CABP1: variants seen among roughly 807,000 people sequenced by gnomAD.
The protein encoded by CABP1 is calcium-binding protein 1.
In CABP1, 17 loss-of-function variants were observed where a neutral mutation model predicts 34.3. That is an observed-to-expected ratio of 0.50 (90% CI 0.34 to 0.74). CABP1 has a LOEUF of 0.74. Among genes scored for constraint, CABP1 ranks in the 30% least tolerant of loss-of-function variants. CABP1 has a pLI of 0.01. For synonymous variants in CABP1, 198 were observed against 229.2 expected (o/e 0.86, Z 1.23); for missense variants, 373 against 511.1 (o/e 0.73, Z 2.61).
At chr12:120,657,178 G>A (rs1368645008) in intron 1 of CABP1, among the ~76,000 whole-genome samples, 1 of 152,184 alleles carries the variant, frequency 6.6e-6, no homozygotes. Context: ...TGGATTTTAT[G>A]TTATTCTTAC....
the CABP1 span, among the ~76,000 whole-genome samples, chr12:120,679,456 T>TA: frequency 1.3e-5 from 2 of 152,178 alleles, no homozygotes; most frequent in African/African-American, 4.8e-5. Flanking sequence ...ATCGGATAAG[T>TA]AGGAACCAAT....
Position 120,660,399 on chromosome 12 carries a change from G to T in CABP1, c.829+60G>T. The T allele has an allele frequency of 1.3e-6, 2 of 1,556,238 alleles. No individual in the cohort carries two copies. Among genetic ancestry groups the T allele is most frequent in the Non-Finnish European group, 8.7e-7 (1 of 1,147,836 alleles). On this transcript the variant is annotated intron_variant, in intron 3 of 5. Transcript: ENST00000316803. This position sits in a 1 kb window ranked among gnomAD's most constrained non-coding sequence, Gnocchi z 5.0. ...GTCCTCACCCTTGCCGTCCTCTGCAGTCAGACAGGACTGGCTTCAAATTCT... is the reference window on the plus strand; with the variant it reads ...GTCCTCACCCTTGCCGTCCTCTGCATTCAGACAGGACTGGCTTCAAATTCT...
At chr12:120,647,058 A>T (rs949296435) in intron 1 of CABP1, among the ~76,000 whole-genome samples, 2 of 152,194 alleles carry the variant, frequency 1.3e-5, no homozygotes, top group African/African-American at 2.4e-5. Flanking sequence ...GTTTCCAACG[A>T]CAGAGGCATA....
chr12:120,668,799 C>G (rs1392188934), downstream of CABP1, among the ~76,000 whole-genome samples: 1 of 152,208 alleles, frequency 6.6e-6, no homozygotes, highest in East Asian at 1.9e-4. Context: ...GAGTCTTAGA[C>G]AGGCTTGGAG....
intron 5 of CABP1, among the ~76,000 whole-genome samples, chr12:120,664,013 C>T (rs1214697021): frequency 1.3e-5 from 2 of 152,238 alleles, no homozygotes; most frequent in Non-Finnish European, 2.9e-5. Context: ...GAGCAGTTGG[C>T]CTTCAAGGCC....
chr12:120,653,750 CT>C (rs2137343513), intron 1 of CABP1, among the ~76,000 whole-genome samples: 1 of 152,278 alleles, frequency 6.6e-6, no homozygotes, highest in African/African-American at 2.4e-5. Context: ...GCAGGCTGGT[CT>C]TGAACTCCCA....
At chr12:120,657,977 G>T (rs1425722424) in intron 1 of CABP1, among the ~76,000 whole-genome samples, 1 of 152,086 alleles carries the variant, frequency 6.6e-6, no homozygotes, top group Admixed American at 6.6e-5. Context: ...CAGACTGCTG[G>T]TATGACCCAT....
At chr12:120,678,969 A>G in the CABP1 span, among the ~76,000 whole-genome samples, 2 of 147,616 alleles carry the variant, frequency 1.4e-5, no homozygotes, top group African/African-American at 5.0e-5. Context: ...GCTACTTGGG[A>G]GGCTGAGACA....
chr12:120,673,284 TAAA>T, the CABP1 span, among the ~76,000 whole-genome samples: 1 of 151,582 alleles, frequency 6.6e-6, no homozygotes, highest in Non-Finnish European at 1.5e-5. Flanking sequence ...TATTTTACAA[TAAA>T]AAAAATATCT....
chr12:120,656,619 G>C (rs960566446), intron 1 of CABP1, among the ~76,000 whole-genome samples: 3 of 152,138 alleles, frequency 2.0e-5, no homozygotes, highest in Non-Finnish European at 4.4e-5. Flanking sequence ...ACTTGGGCTG[G>C]GCGCAGCGGC....
At chr12:120,666,306 T>A (rs1880980113) in intron 5 of CABP1, among the ~76,000 whole-genome samples, 1 of 150,056 alleles carries the variant, frequency 6.7e-6, no homozygotes, top group Non-Finnish European at 1.5e-5. Context: ...AAACCCCATC[T>A]CTACTAAAAG....
chr12:120,664,213 C>T (rs113412464), intron 5 of CABP1, among the ~76,000 whole-genome samples: 5,148 of 152,250 alleles, frequency 0.034, 127 homozygotes, highest in Middle Eastern at 0.082. Context: ...CCTCGAAGAG[C>T]TCAAAACCAG....
the CABP1 span, among the ~76,000 whole-genome samples, chr12:120,678,798 G>A: frequency 6.6e-6 from 1 of 151,176 alleles, no homozygotes; most frequent in Non-Finnish European, 1.5e-5. Flanking sequence ...CTGGACGGGC[G>A]TGGTGACACA....
rs980748818 is a variant in CABP1 at position 120,645,263 on chromosome 12, T to G, written c.654+3924T>G. ...TCTCTGAGAGGGCTTGGAGCCCCTA[T>G]AGGCTTTCTCTGGGGCCTGGGGAGA... On this transcript the variant is annotated intron_variant, in intron 1 of 5. Transcript: ENST00000316803. 3.3e-5 allele frequency among the ~76,000 whole-genome samples: 5 copies of G among 152,264 alleles called. No individual in the cohort carries two copies. The South Asian group carries it at 1.0e-3, about 32-fold the overall frequency.
intron 1 of CABP1, among the ~76,000 whole-genome samples, chr12:120,658,456 G>A (rs1390642678): frequency 6.6e-6 from 1 of 152,040 alleles, no homozygotes. Context: ...GCCTCCCTAT[G>A]GGTGACTCCT....
chr12:120,670,194 A>G (rs187890402), downstream of CABP1, among the ~76,000 whole-genome samples: 162 of 152,270 alleles, frequency 1.1e-3, 1 homozygote, highest in African/African-American at 3.8e-3. Context: ...CAGGGTCTCA[A>G]TCTGTTGTCC....
At chr12:120,669,764 A>G (rs1054563046), downstream of CABP1, among the ~76,000 whole-genome samples, 2 of 152,000 alleles carry the variant, frequency 1.3e-5, no homozygotes, top group African/African-American at 4.8e-5. Flanking sequence ...AAAAAAAAAA[A>G]AAGAATCATA....
the CABP1 span, among the ~76,000 whole-genome samples, chr12:120,679,085 A>C: frequency 5.9e-5 from 9 of 151,584 alleles, no homozygotes; most frequent in Admixed American, 3.3e-4. Flanking sequence ...AAAAAAAAAA[A>C]AAAAAAAACC....
At chr12:120,679,277 T>C in the CABP1 span, among the ~76,000 whole-genome samples, 2 of 152,160 alleles carry the variant, frequency 1.3e-5, no homozygotes, top group Admixed American at 6.6e-5. Flanking sequence ...CTATGTTTGC[T>C]ACATAGCCAG....
Sources: gnomAD v4.1 joint callset for allele counts (sites outside exome capture counted in the v4.1 genomes callset) on GRCh38, gnomAD v4.1.1 for gene constraint, Gnocchi (gnomAD v3.1) non-coding constraint, MANE v1.5 for transcripts, NCBI Gene and HGNC (gene_info 2026-07-23, HGNC 2026-07-21) for gene names.